Variants in MICU3 observed in about 807,000 individuals in gnomAD.
The protein encoded by MICU3 is mitochondrial calcium uptake 3.
Under a neutral mutation model 66.5 loss-of-function variants are expected in MICU3, and 62 were observed. The ratio of observed to expected loss-of-function variants is 0.93; its 90% confidence interval spans 0.76 to 1.15. The LOEUF is 1.15. Among genes scored for constraint, MICU3 ranks in the 50% most tolerant of loss-of-function variants. The pLI is 0.00. For missense variants in MICU3, 779 were observed against 664.4 expected (o/e 1.17, Z -1.90); for synonymous variants, 308 against 240.7 (o/e 1.28, Z -2.59).
At chr8:17,079,319 TTTAAA>T (rs1342675768) in intron 4 of MICU3, among the ~76,000 whole-genome samples, 1 of 152,090 alleles carries the variant, frequency 6.6e-6, no homozygotes, top group Non-Finnish European at 1.5e-5. Flanking sequence ...TTTTAAGTAT[TTTAAA>T]TTTAAATAGC....
At chr8:17,030,730 G>A (rs912025028) in intron 1 of MICU3, among the ~76,000 whole-genome samples, 5 of 152,174 alleles carry the variant, frequency 3.3e-5, no homozygotes, top group African/African-American at 1.2e-4. Context: ...CTAATCCTCT[G>A]CTTTTAGCCC....
At chr8:17,055,887 C>G (rs1470717318) in intron 1 of MICU3, among the ~76,000 whole-genome samples, 1 of 152,194 alleles carries the variant, frequency 6.6e-6, no homozygotes, top group Non-Finnish European at 1.5e-5. Context: ...AGGTCTTGAT[C>G]ATTGAGAAGG....
At chr8:17,101,704 C>G (rs1382215434) in intron 9 of MICU3, among the ~76,000 whole-genome samples, 1 of 151,836 alleles carries the variant, frequency 6.6e-6, no homozygotes, top group Non-Finnish European at 1.5e-5. Context: ...TCTGAATTCA[C>G]TAACTTTTGG....
chr8:17,135,846 A>G, the MICU3 span, among the ~76,000 whole-genome samples: 1 of 152,096 alleles, frequency 6.6e-6, no homozygotes, highest in South Asian at 2.1e-4. Flanking sequence ...TAAATCGGTT[A>G]TATCATTTTT....
intron 9 of MICU3, among the ~76,000 whole-genome samples, chr8:17,101,305 C>T (rs771199924): frequency 7.2e-5 from 11 of 151,786 alleles, no homozygotes; most frequent in Non-Finnish European, 1.5e-4. Flanking sequence ...GATAAAGTCT[C>T]TATTTTTCTC....
chr8:17,094,776 G>C (rs1489216528), intron 8 of MICU3, among the ~76,000 whole-genome samples: 1 of 151,956 alleles, frequency 6.6e-6, no homozygotes, highest in Non-Finnish European at 1.5e-5. Context: ...CATCACACAG[G>C]TGTTCTTTCT....
intron 1 of MICU3, among the ~76,000 whole-genome samples, chr8:17,056,980 T>C (rs956431886): frequency 3.3e-5 from 5 of 152,086 alleles, no homozygotes; most frequent in Non-Finnish European, 7.4e-5. Flanking sequence ...GTTTCCAGAG[T>C]TTATCCTAAG....
chr8:17,065,122 G>A (rs1818479198), intron 2 of MICU3, among the ~76,000 whole-genome samples: 1 of 152,066 alleles, frequency 6.6e-6, no homozygotes, highest in African/African-American at 2.4e-5. Context: ...TCACTTCACT[G>A]AAAGATCACT....
chr8:17,043,356 A>T (rs576563580), intron 1 of MICU3, among the ~76,000 whole-genome samples: 14 of 152,194 alleles, frequency 9.2e-5, no homozygotes, highest in Admixed American at 8.5e-4. Flanking sequence ...TATCATCTAA[A>T]CCTCTTCCAA....
chr8:17,048,110 T>A (rs1815401109), intron 1 of MICU3, among the ~76,000 whole-genome samples: 1 of 152,176 alleles, frequency 6.6e-6, no homozygotes, highest in African/African-American at 2.4e-5. Flanking sequence ...AGTAAAACTT[T>A]GAGATATTTA....
intron 11 of MICU3, among the ~76,000 whole-genome samples, chr8:17,108,317 A>G (rs1801911894): frequency 6.6e-6 from 1 of 152,164 alleles, no homozygotes; most frequent in African/African-American, 2.4e-5. Context: ...ATTAGTAGTC[A>G]TTAGTGTATA....
chr8:17,046,367 G>A (rs1462486764), intron 1 of MICU3, among the ~76,000 whole-genome samples: 1 of 152,188 alleles, frequency 6.6e-6, no homozygotes, highest in Non-Finnish European at 1.5e-5. Flanking sequence ...GAAGTCTTCT[G>A]TGATGATTGT....
chr8:17,120,286 A>T lies in MICU3; in HGVS notation c.*1-2A>T, dbSNP rs576017446. ...TTTTGTGTTATTATTTTTTTTAATT[A>T]GATACTCCTAAAACAAAGTTTAAAG... On this transcript the variant is annotated splice_acceptor_variant, in intron 14 of 14. Coordinates refer to ENST00000318063, the MANE Select transcript of MICU3 (RefSeq NM_181723.3). LOFTEE classifies it low-confidence loss of function (3UTR_SPLICE). 1.3e-5 allele frequency: 2 copies of T among 152,260 alleles called. No homozygotes were observed. Among genetic ancestry groups the T allele is most frequent in the East Asian group, 1.9e-4 (1 of 5,182 alleles). The allele number at this position is 152,260 out of a possible 1,614,324, so 9.4% of individuals were successfully genotyped here. A position where few individuals can be genotyped will look rare whatever the true frequency, so the allele number is the denominator to read the frequency against.
intron 1 of MICU3, among the ~76,000 whole-genome samples, chr8:17,036,214 G>A (rs912983080): frequency 3.3e-5 from 5 of 152,234 alleles, no homozygotes; most frequent in East Asian, 1.9e-4. Flanking sequence ...TTAGGGTAGC[G>A]TGTCTGGAGT....
downstream of MICU3, among the ~76,000 whole-genome samples, chr8:17,123,968 A>G (rs1803336424): frequency 6.7e-6 from 1 of 148,584 alleles, no homozygotes; most frequent in South Asian, 2.1e-4. Context: ...AAAAAAAACC[A>G]CCATCCCTCT....
At chr8:17,100,658 G>C (rs998160439) in intron 9 of MICU3, among the ~76,000 whole-genome samples, 8 of 151,502 alleles carry the variant, frequency 5.3e-5, no homozygotes, top group African/African-American at 1.9e-4. Flanking sequence ...TTATTATAGG[G>C]AAATTGGGTT....
intron 1 of MICU3, among the ~76,000 whole-genome samples, chr8:17,052,478 C>G (rs1301383606): frequency 1.3e-5 from 2 of 152,160 alleles, no homozygotes; most frequent in Admixed American, 6.5e-5. Flanking sequence ...TGTTTGTACT[C>G]ATTAACCAAT....
intron 1 of MICU3, among the ~76,000 whole-genome samples, chr8:17,060,094 G>T (rs1817580271): frequency 6.6e-6 from 1 of 152,176 alleles, no homozygotes; most frequent in Non-Finnish European, 1.5e-5. Context: ...CATTAAAACA[G>T]TATGGTATTT....
chr8:17,098,712 A>C (rs1344627495), intron 9 of MICU3, among the ~76,000 whole-genome samples, 159 bp downstream of exon 9: 1 of 151,812 alleles, frequency 6.6e-6, no homozygotes, highest in Non-Finnish European at 1.5e-5. Flanking sequence ...GTATTTGAAT[A>C]CATCAGCTTT....
Sources: gnomAD v4.1 joint callset for allele counts (sites outside exome capture counted in the v4.1 genomes callset) on GRCh38, gnomAD v4.1.1 for gene constraint, MANE v1.5 for transcripts, NCBI Gene and HGNC (gene_info 2026-07-23, HGNC 2026-07-21) for gene names.